Variants in ZNF439 observed in about 807,000 individuals in gnomAD.
ZNF439 encodes zinc finger protein 439.
Under a neutral mutation model 47.3 loss-of-function variants are expected in ZNF439, and 40 were observed. That is an observed-to-expected ratio of 0.85 (90% CI 0.66 to 1.10). ZNF439 has a LOEUF of 1.10. Ranked by LOEUF, ZNF439 falls within the 50% of genes least tolerant of loss-of-function variation. The pLI is 0.00. For missense variants in ZNF439, 556 were observed against 601.1 expected (o/e 0.93, Z 0.78); for synonymous variants, 171 against 198.8 (o/e 0.86, Z 1.18).
chr19:11,863,639 C>A (rs539693453), intron 1 of ZNF439, among the ~76,000 whole-genome samples: 1 of 152,214 alleles, frequency 6.6e-6, no homozygotes, highest in African/African-American at 2.4e-5. Context: ...TGAATGAAGT[C>A]CAATTTATCG....
Position 11,848,816 on chromosome 19 carries a change from G to A in ZNF439, c.-52G>A. On this transcript the variant is annotated 5_prime_UTR_variant, in exon 1 of 4. Transcript: ENST00000682736. ...GTTGGGATCTGGCCTTTCCAGCCCC[G>A]AGAGGGACCTAGTGCCTCTACCCAG... 4.7e-6 allele frequency: 7 copies of A among 1,489,130 alleles called. No individual in the cohort carries two copies. The highest frequency in any genetic ancestry group is 1.4e-5 in the African/African-American group (1 of 70,444). The allele number at this position is 1,489,130 out of a possible 1,614,324, so 92.2% of individuals were successfully genotyped here.
intron 1 of ZNF439, among the ~76,000 whole-genome samples, chr19:11,853,677 G>A (rs1284667907): frequency 6.6e-6 from 1 of 152,166 alleles, no homozygotes; most frequent in Non-Finnish European, 1.5e-5. Flanking sequence ...GGAAAGCTGA[G>A]TTGGTCACAA....
At chr19:11,863,224 C>T (rs528151010) in intron 1 of ZNF439, among the ~76,000 whole-genome samples, 218 of 135,588 alleles carry the variant, frequency 1.6e-3, no homozygotes, top group African/African-American at 5.9e-3. Flanking sequence ...GGCACAGTCT[C>T]GGCTCAGCTC....
rs1487647793 is a variant in ZNF439 at position 11,868,005 on chromosome 19, T to C, written c.951T>C (p.Tyr317=). 1 of 1,614,148 alleles carries C rather than the reference T, an allele frequency of 6.2e-7. No individual in the cohort carries two copies. The highest frequency in any genetic ancestry group is 8.5e-7 in the Non-Finnish European group (1 of 1,180,002). The change falls in exon 4 of 4, where the codon TAT becomes TAC. Residue 317 remains tyrosine (Y), a synonymous_variant. Transcript: ENST00000682736. Reference sequence around the variant, plus strand: ...GAAAAGCATTCATGTGTCCCCGTTATGTTCGTAGACATGAAAGGACCCACT... The same window carrying C: ...GAAAAGCATTCATGTGTCCCCGTTACGTTCGTAGACATGAAAGGACCCACT... ...ECGKAFMCPR[Y]VRRHERTHSR... is the part of the protein sequence containing the mutation.
At chr19:11,859,821 A>G (rs1486958534) in intron 1 of ZNF439, among the ~76,000 whole-genome samples, 1 of 152,104 alleles carries the variant, frequency 6.6e-6, no homozygotes, top group East Asian at 1.9e-4. Flanking sequence ...GCCAATTTTT[A>G]TCCTCCTTCT....
In ZNF439 at chr19:11,868,072, T is replaced by C; in HGVS notation, c.1018T>C (p.Leu340=). ...LYECKQCGKA[L]SSLTSFQTHI... ...TGAATGTAAGCAGTGTGGGAAAGCATTATCCTCTCTTACAAGTTTTCAAAC... is the reference window on the plus strand; with the variant it reads ...TGAATGTAAGCAGTGTGGGAAAGCACTATCCTCTCTTACAAGTTTTCAAAC... Residue 340 remains leucine (L), a synonymous_variant, in exon 4 of 4, where the codon TTA becomes CTA. Coordinates refer to ENST00000682736, the MANE Select transcript of ZNF439 (RefSeq NM_001348719.2). 1 of 1,614,180 alleles carries C rather than the reference T, an allele frequency of 6.2e-7. No individual in the cohort carries two copies. Among genetic ancestry groups the C allele is most frequent in the Non-Finnish European group, 8.5e-7 (1 of 1,180,028 alleles).
chr19:11,859,106 A>G (rs149894453), intron 1 of ZNF439, among the ~76,000 whole-genome samples: 107 of 152,320 alleles, frequency 7.0e-4, no homozygotes, highest in Non-Finnish European at 1.4e-3. Flanking sequence ...CTACGTTTGC[A>G]TTCTCAAAAG....
intron 1 of ZNF439, among the ~76,000 whole-genome samples, chr19:11,851,684 A>G (rs1426436147): frequency 6.6e-6 from 1 of 151,160 alleles, no homozygotes; most frequent in African/African-American, 2.4e-5. Flanking sequence ...TTTTGAGGCA[A>G]TGTCTTGCTC....
intron 3 of ZNF439, among the ~76,000 whole-genome samples, chr19:11,866,838 G>A (rs1189476846): frequency 1.3e-5 from 2 of 152,148 alleles, no homozygotes; most frequent in African/African-American, 4.8e-5. Flanking sequence ...ACAACAGCCT[G>A]CGCAACATAA....
At chr19:11,860,404 T>A (rs1171614626) in intron 1 of ZNF439, among the ~76,000 whole-genome samples, 5 of 151,438 alleles carry the variant, frequency 3.3e-5, no homozygotes, top group Admixed American at 3.3e-4. Context: ...TCCCAGTACC[T>A]CTTTAGGGCA....
intron 1 of ZNF439, 119 bp downstream of exon 1, chr19:11,849,049 C>T (rs1380322924): frequency 1.6e-6 from 2 of 1,240,462 alleles, no homozygotes; most frequent in East Asian, 5.0e-5. Context: ...AGCTGCTCGG[C>T]CCTCGGTCCC....
At chr19:11,850,638 A>G (rs997688554) in intron 1 of ZNF439, 3 of 152,206 alleles carry the variant, frequency 2.0e-5, no homozygotes, top group Non-Finnish European at 4.4e-5. Context: ...TATATTACTG[A>G]AAAAAGAGGT....
Position 11,869,112 on chromosome 19 carries a change from C to A in ZNF439, c.*543C>A. 1 of 222,182 alleles carries A rather than the reference C, an allele frequency of 4.5e-6. No homozygotes were observed. Among genetic ancestry groups the A allele is most frequent in the South Asian group, 6.7e-5 (1 of 14,844 alleles). The allele number at this position is 222,182 out of a possible 1,614,324, so 13.8% of individuals were successfully genotyped here. On this transcript the variant is annotated 3_prime_UTR_variant, in exon 4 of 4. Transcript: ENST00000682736. ...AGCATTCAGCTTGCTTAATTGCTTTCATAGACATGTAAAGACACACCAGAA... is the reference window on the plus strand; with the variant it reads ...AGCATTCAGCTTGCTTAATTGCTTTAATAGACATGTAAAGACACACCAGAA...
chr19:11,865,005 C>A (rs978126186), intron 1 of ZNF439, among the ~76,000 whole-genome samples: 1 of 152,122 alleles, frequency 6.6e-6, no homozygotes, highest in African/African-American at 2.4e-5. Context: ...GTCTTGAACT[C>A]CCAACCTCAG....
At chr19:11,856,107 C>A (rs1189743497) in intron 1 of ZNF439, 1 of 152,258 alleles carries the variant, frequency 6.6e-6, no homozygotes, top group East Asian at 1.9e-4. Context: ...ATTTCCATAA[C>A]ACTTTCAGAT....
At chr19:11,853,487 G>A (rs1226339300) in intron 1 of ZNF439, among the ~76,000 whole-genome samples, 1 of 152,144 alleles carries the variant, frequency 6.6e-6, no homozygotes, top group African/African-American at 2.4e-5. Flanking sequence ...TTTAGAGCAG[G>A]CCTGCATGAC....
At chr19:11,849,031 C>T (rs1228324990) in intron 1 of ZNF439, 101 bp downstream of exon 1, 6 of 1,297,080 alleles carry the variant, frequency 4.6e-6, no homozygotes, top group Non-Finnish European at 6.0e-6. Flanking sequence ...GGGACCGAGT[C>T]CTCCTAGAGC....
At chr19:11,851,759 G>A (rs562807947) in intron 1 of ZNF439, among the ~76,000 whole-genome samples, 3 of 151,874 alleles carry the variant, frequency 2.0e-5, no homozygotes, top group Admixed American at 6.6e-5. Context: ...CCCATCTTGA[G>A]CACCTCCGCC....
chr19:11,849,315 T>A (rs2145148665), intron 1 of ZNF439: 1 of 994,398 alleles, frequency 1.0e-6, no homozygotes, highest in Non-Finnish European at 1.2e-6. Context: ...TATACTGAGG[T>A]ACGTTAACAA....
Sources: gnomAD v4.1 joint callset for allele counts (sites outside exome capture counted in the v4.1 genomes callset) on GRCh38, gnomAD v4.1.1 for gene constraint, MANE v1.5 for transcripts, NCBI Gene and HGNC (gene_info 2026-07-23, HGNC 2026-07-21) for gene names.